PPP2R2B: variants seen among roughly 807,000 people sequenced by gnomAD.
PPP2R2B encodes the protein protein phosphatase 2 regulatory subunit Bbeta.
Under a neutral mutation model 46.0 loss-of-function variants are expected in PPP2R2B, and 5 were observed. The observed-to-expected ratio is 0.11, with a 90% CI of 0.06 to 0.23. The LOEUF is 0.23. Among genes scored for constraint, PPP2R2B ranks in the 10% least tolerant of loss-of-function variants. PPP2R2B has a pLI of 1.00. For missense variants in PPP2R2B, 367 were observed against 575.0 expected (o/e 0.64, Z 3.70); for synonymous variants, 215 against 206.7 (o/e 1.04, Z -0.34).
chr5:146,630,102 A>G (rs1054070231), intron 7 of PPP2R2B, among the ~76,000 whole-genome samples: 2 of 152,194 alleles, frequency 1.3e-5, no homozygotes, highest in South Asian at 2.1e-4. Context: ...GGCATAAGCC[A>G]CCATGCCTGG....
intron 1 of PPP2R2B, among the ~76,000 whole-genome samples, chr5:147,020,702 G>T (rs562680500): frequency 5.9e-5 from 9 of 152,254 alleles, no homozygotes; most frequent in South Asian, 4.1e-4. Context: ...GGATCTCAGA[G>T]CTCAGATGAT....
chr5:147,016,842 G>A lies in PPP2R2B; in HGVS notation c.79+38823C>T, dbSNP rs1338680975. Among the ~76,000 whole-genome samples the A allele has an allele frequency of 1.3e-5, 2 of 151,620 alleles. 1 individual carries two copies. The highest frequency in any genetic ancestry group is 4.1e-4 in the East Asian group (2 of 4,828). ...GCATGATATATGCTGGATTTCATAAGCATTTAGGCATGATCACAGCTTCTA... is the reference window on the plus strand; with the variant it reads ...GCATGATATATGCTGGATTTCATAAACATTTAGGCATGATCACAGCTTCTA... On this transcript the variant is annotated intron_variant, in intron 1 of 8. Coordinates refer to the PPP2R2B transcript ENST00000336640.
At chr5:146,789,600 C>T (rs1293276452) in intron 2 of PPP2R2B, among the ~76,000 whole-genome samples, 1 of 151,964 alleles carries the variant, frequency 6.6e-6, no homozygotes, top group African/African-American at 2.4e-5. Flanking sequence ...GATGTTATGG[C>T]AAACGAGACA....
chr5:146,973,864 T>G (rs952486076), intron 1 of PPP2R2B, among the ~76,000 whole-genome samples: 36 of 152,182 alleles, frequency 2.4e-4, no homozygotes, highest in African/African-American at 8.4e-4. Context: ...AAGGAAACAA[T>G]GCATATAGAT....
chr5:146,940,359 G>C (rs578034823), intron 1 of PPP2R2B, among the ~76,000 whole-genome samples: 3 of 152,140 alleles, frequency 2.0e-5, no homozygotes, highest in South Asian at 4.2e-4. Context: ...GAACTTCTCT[G>C]GAATATTTAT....
intron 7 of PPP2R2B, among the ~76,000 whole-genome samples, chr5:146,620,271 A>C (rs1773564326): frequency 6.6e-6 from 1 of 152,214 alleles, no homozygotes; most frequent in African/African-American, 2.4e-5. Flanking sequence ...ATTTGGGCTA[A>C]TATGTACAGA....
chr5:147,018,037 GCGCGCGCACA>G (rs1333153958), intron 1 of PPP2R2B, among the ~76,000 whole-genome samples: 1,615 of 119,034 alleles, frequency 0.014, 22 homozygotes, highest in Admixed American at 0.026. Flanking sequence ...ACACATGCAT[GCGCGCGCACA>G]CACACACACA....
intron 1 of PPP2R2B, among the ~76,000 whole-genome samples, chr5:147,046,547 A>C (rs1756552635): frequency 6.6e-6 from 1 of 152,328 alleles, no homozygotes; most frequent in African/African-American, 2.4e-5. Flanking sequence ...AAATTGAGTG[A>C]AAATGAAGGA....
intron 1 of PPP2R2B, among the ~76,000 whole-genome samples, chr5:146,929,024 G>C (rs994405230): frequency 1.3e-5 from 2 of 152,050 alleles, no homozygotes; most frequent in Non-Finnish European, 1.5e-5. Context: ...ATATCCAAGT[G>C]ACTAATTCTC....
chr5:146,753,000 T>C (rs1753643269), intron 2 of PPP2R2B, among the ~76,000 whole-genome samples: 1 of 152,184 alleles, frequency 6.6e-6, no homozygotes, highest in Admixed American at 6.5e-5. Flanking sequence ...CTGAGAAGCA[T>C]AGATGCTGTG....
chr5:146,760,155 T>C (rs1220222509), intron 2 of PPP2R2B, among the ~76,000 whole-genome samples: 1 of 152,226 alleles, frequency 6.6e-6, no homozygotes, highest in African/African-American at 2.4e-5. Context: ...TGTTGTGTAA[T>C]AACATCAATA....
At chr5:146,766,276 G>A (rs1043640685) in intron 2 of PPP2R2B, among the ~76,000 whole-genome samples, 2 of 151,988 alleles carry the variant, frequency 1.3e-5, no homozygotes, top group African/African-American at 4.8e-5. Flanking sequence ...ATTTATTCCA[G>A]TATTTTTAGG....
At chr5:146,829,758 C>A (rs1758810265) in intron 2 of PPP2R2B, among the ~76,000 whole-genome samples, 1 of 152,154 alleles carries the variant, frequency 6.6e-6, no homozygotes, top group African/African-American at 2.4e-5. Context: ...TCCCTACAGA[C>A]CTCCATTTTT....
At chr5:146,902,888 T>C (rs1762879881) in intron 1 of PPP2R2B, among the ~76,000 whole-genome samples, 1 of 152,270 alleles carries the variant, frequency 6.6e-6, no homozygotes, top group Non-Finnish European at 1.5e-5. Flanking sequence ...AATTGTGGTA[T>C]GAGCACCTCT....
chr5:146,941,093 A>G (rs1764308123), intron 1 of PPP2R2B, among the ~76,000 whole-genome samples: 1 of 152,120 alleles, frequency 6.6e-6, no homozygotes, highest in Admixed American at 6.5e-5. Context: ...TCTCAAGATT[A>G]CCAAAGGCCA....
chr5:147,055,827 A>T, exon 1 of PPP2R2B: 2 of 1,531,840 alleles, frequency 1.3e-6, no homozygotes, highest in Admixed American at 2.0e-5. Flanking sequence ...AGCTGGCTAC[A>T]TCACCAATAT....
intron 2 of PPP2R2B, among the ~76,000 whole-genome samples, chr5:146,725,769 C>A (rs924693248): frequency 6.6e-6 from 1 of 152,184 alleles, no homozygotes; most frequent in East Asian, 1.9e-4. Context: ...TCCCATAGCA[C>A]CCTGCATTTC....
At chr5:146,607,168 C>T (rs531048863) in intron 7 of PPP2R2B, 120 of 152,288 alleles carry the variant, frequency 7.9e-4, no homozygotes, top group African/African-American at 2.6e-3. Flanking sequence ...ACAGAAGACA[C>T]ATCCAATAAT....
chr5:146,595,719 T>A (rs1771104851), intron 8 of PPP2R2B, among the ~76,000 whole-genome samples: 1 of 152,218 alleles, frequency 6.6e-6, no homozygotes, highest in South Asian at 2.1e-4. Context: ...GGGACCTTTT[T>A]CTACTAGAGG....
Sources: allele counts gnomAD v4.1 joint callset (sites outside exome capture counted in the v4.1 genomes callset), GRCh38; gene constraint gnomAD v4.1.1; transcripts MANE v1.5; gene names NCBI Gene and HGNC (gene_info 2026-07-23, HGNC 2026-07-21).